Variants in CSMD3 observed in about 807,000 individuals in gnomAD.
CSMD3 encodes the protein CUB and sushi domain-containing protein 3.
Under a neutral mutation model 435.2 loss-of-function variants are expected in CSMD3, and 177 were observed. The observed-to-expected ratio is 0.41, with a 90% CI of 0.36 to 0.46. The LOEUF is 0.46. Ranked by LOEUF, CSMD3 falls within the 20% of genes least tolerant of loss-of-function variation. CSMD3 has a pLI of 0.34. For synonymous variants in CSMD3, 1,656 were observed against 1,520.5 expected (o/e 1.09, Z -2.07); for missense variants, 4,265 against 4,504.6 (o/e 0.95, Z 1.52).
intron 32 of CSMD3, among the ~76,000 whole-genome samples, chr8:112,465,541 A>C (rs1054193777): frequency 1.3e-5 from 2 of 152,192 alleles, no homozygotes; most frequent in African/African-American, 2.4e-5. Context: ...CTCCAAATTA[A>C]ATAATATAAT....
intron 10 of CSMD3, among the ~76,000 whole-genome samples, chr8:112,905,720 C>A (rs1263068474): frequency 6.6e-6 from 1 of 151,384 alleles, no homozygotes; most frequent in African/African-American, 2.4e-5. Flanking sequence ...GGAACTGGGG[C>A]TCAGCAAAGT....
chr8:112,874,619 C>T (rs1333867771), intron 10 of CSMD3, among the ~76,000 whole-genome samples: 1 of 152,156 alleles, frequency 6.6e-6, no homozygotes, highest in East Asian at 1.9e-4. Context: ...GGATAGTCAG[C>T]TCTTCCTGTT....
At chr8:113,177,232 T>G (rs2092359960) in intron 3 of CSMD3, among the ~76,000 whole-genome samples, 1 of 151,470 alleles carries the variant, frequency 6.6e-6, no homozygotes, top group African/African-American at 2.4e-5. Flanking sequence ...ATAAAATAAT[T>G]ATTAAATGTA....
intron 64 of CSMD3, among the ~76,000 whole-genome samples, chr8:112,244,897 C>T (rs2130122009): frequency 1.3e-5 from 2 of 152,012 alleles, no homozygotes; most frequent in East Asian, 3.9e-4. Flanking sequence ...TCCAGAGAGT[C>T]ACAAAAACCA....
chr8:112,341,312 A>G (rs1825086824), intron 42 of CSMD3, among the ~76,000 whole-genome samples, 165 bp downstream of exon 42: 1 of 151,252 alleles, frequency 6.6e-6, no homozygotes, highest in Admixed American at 6.6e-5. Context: ...TAGTTCCCAG[A>G]GAGTTGCATT....
chr8:113,061,918 A>G (rs1336757289), intron 5 of CSMD3, among the ~76,000 whole-genome samples: 1 of 151,856 alleles, frequency 6.6e-6, no homozygotes, highest in African/African-American at 2.4e-5. Flanking sequence ...TAATTATTTC[A>G]TTATGTCTTC....
At chr8:112,379,664 A>C (rs2131229741) in intron 38 of CSMD3, among the ~76,000 whole-genome samples, 1 of 152,328 alleles carries the variant, frequency 6.6e-6, no homozygotes, top group Admixed American at 6.5e-5. Context: ...CCAAAAATAA[A>C]AAAAGTACTA....
At chr8:112,291,423 T>C in intron 56 of CSMD3, 87 bp downstream of exon 56, 1 of 907,204 alleles carries the variant, frequency 1.1e-6, no homozygotes, top group Non-Finnish European at 1.8e-6. Context: ...CTGTGATATA[T>C]ATCTTTAGGT....
At chr8:113,231,044 T>G (rs562996177) in intron 3 of CSMD3, among the ~76,000 whole-genome samples, 2 of 151,404 alleles carry the variant, frequency 1.3e-5, no homozygotes, top group South Asian at 4.1e-4. Flanking sequence ...CATATACACA[T>G]ACTTGCATGC....
chr8:113,429,640 T>C (rs552456368), intron 1 of CSMD3, among the ~76,000 whole-genome samples: 1 of 152,238 alleles, frequency 6.6e-6, no homozygotes, highest in African/African-American at 2.4e-5. Flanking sequence ...CACAAGCATA[T>C]AATTACTAAT....
chr8:112,746,403 C>G (rs1206523003), intron 13 of CSMD3, among the ~76,000 whole-genome samples: 2 of 152,026 alleles, frequency 1.3e-5, no homozygotes, highest in African/African-American at 4.8e-5. Context: ...AATTGTCTAC[C>G]TTCTTGATTG....
At chr8:112,660,281 G>A (rs527478561) in intron 17 of CSMD3, among the ~76,000 whole-genome samples, 1 of 152,148 alleles carries the variant, frequency 6.6e-6, no homozygotes, top group African/African-American at 2.4e-5. Context: ...GACATTATAA[G>A]GCCACTGATC....
intron 1 of CSMD3, among the ~76,000 whole-genome samples, chr8:113,334,512 A>G (rs1471438613): frequency 6.6e-6 from 1 of 151,972 alleles, no homozygotes; most frequent in East Asian, 1.9e-4. Flanking sequence ...TATACTCTCT[A>G]GAAGTACTGA....
intron 1 of CSMD3, among the ~76,000 whole-genome samples, chr8:113,434,567 G>T (rs774743539): frequency 6.6e-6 from 1 of 151,388 alleles, no homozygotes; most frequent in Non-Finnish European, 1.5e-5. Flanking sequence ...TAAAATGTAG[G>T]AGATGCCTTC....
At chr8:113,376,929 G>A (rs559206911) in intron 1 of CSMD3, 2 of 1,533,144 alleles carry the variant, frequency 1.3e-6, no homozygotes, top group Admixed American at 1.7e-5. Flanking sequence ...GGGCCATAAC[G>A]GATGACGTGC....
At chr8:112,423,046 T>A (rs539127062) in intron 32 of CSMD3, among the ~76,000 whole-genome samples, 1 of 152,270 alleles carries the variant, frequency 6.6e-6, no homozygotes, top group East Asian at 1.9e-4. Flanking sequence ...ATCTACAGAA[T>A]GTGTATTGCT....
intron 6 of CSMD3, among the ~76,000 whole-genome samples, chr8:113,006,023 A>G (rs2086043090): frequency 6.6e-6 from 1 of 152,082 alleles, no homozygotes; most frequent in South Asian, 2.1e-4. Flanking sequence ...AAGGCAAGCT[A>G]AAAACTGCAA....
chr8:112,440,967 C>T (rs1050090466), intron 32 of CSMD3, among the ~76,000 whole-genome samples: 8 of 152,182 alleles, frequency 5.3e-5, no homozygotes, highest in Non-Finnish European at 5.9e-5. Context: ...TCCCCATTGC[C>T]TTGGTGATTA....
intron 3 of CSMD3, among the ~76,000 whole-genome samples, chr8:113,195,947 T>C (rs914124438): frequency 6.6e-6 from 1 of 150,460 alleles, no homozygotes; most frequent in Non-Finnish European, 1.5e-5. Context: ...TGTACATCCT[T>C]CTCATACAGA....
Sources: allele counts gnomAD v4.1 joint callset (sites outside exome capture counted in the v4.1 genomes callset), GRCh38; gene constraint gnomAD v4.1.1; transcripts MANE v1.5; gene names NCBI Gene and HGNC (gene_info 2026-07-23, HGNC 2026-07-21).